UMPS: variants seen among roughly 807,000 people sequenced by gnomAD.
UMPS encodes the protein uridine monophosphate synthetase.
A neutral mutation model predicts 38.9 loss-of-function variants in UMPS; 21 were observed. That is an observed-to-expected ratio of 0.54 (90% CI 0.38 to 0.78). The LOEUF (loss-of-function observed/expected upper bound fraction) is 0.78, where lower values mean the gene tolerates loss of function less well. UMPS is among the 30% of genes least tolerant of loss of function. The pLI is 0.00. For missense variants in UMPS, 533 were observed against 591.6 expected (o/e 0.90, Z 1.03); for synonymous variants, 208 against 219.3 (o/e 0.95, Z 0.45).
intron 5 of UMPS, 82 bp downstream of exon 5, chr3:124,742,348 T>C: frequency 1.0e-6 from 1 of 998,420 alleles, no homozygotes; most frequent in Non-Finnish European, 1.6e-6. Context: ...CATATTATTA[T>C]ACACTTGCTT....
At position 124,744,422 on chromosome 3, in the gene UMPS, T is replaced by A. The variant is rs762603609; in HGVS notation, c.*338T>A. 2.2e-5 allele frequency: 10 copies of A among 458,830 alleles called. No homozygotes were observed. The highest frequency in any genetic ancestry group is 6.8e-5 in the East Asian group (1 of 14,774). The allele number at this position is 458,830 out of a possible 1,614,324, so 28.4% of individuals were successfully genotyped here. On this transcript the variant is annotated 3_prime_UTR_variant, in exon 6 of 6. Transcript: ENST00000232607. ...CTGCTTTGTTATTCTATTTATTTTT[T>A]AATTTTTTTCGAGACAGGATCTCAC...
At position 124,737,997 on chromosome 3, in the gene UMPS, T is replaced by C; in HGVS notation, c.740T>C (p.Met247Thr). The change falls in exon 3 of 6, where the codon ATG becomes ACG. Residue 247 changes from methionine (M) to threonine (T), a missense_variant. Coordinates refer to ENST00000232607, the MANE Select transcript of UMPS (RefSeq NM_000373.4). Reference sequence around the variant, plus strand: ...GTTGCATCGAAGCTTCTCAGGCTTATGCAAAAGAAGGAGACCAATCTGTGT... The same window carrying C: ...GTTGCATCGAAGCTTCTCAGGCTTACGCAAAAGAAGGAGACCAATCTGTGT... The part of the protein sequence containing the change: ...HPVASKLLRL[M>T]QKKETNLCLS... 6.2e-7 allele frequency: 1 copy of C among 1,614,210 alleles called. No individual in the cohort carries two copies. Among genetic ancestry groups the C allele is most frequent in the South Asian group, 1.1e-5 (1 of 91,086 alleles).
Position 124,746,755 on chromosome 3 carries a change from T to TTGTG in UMPS, c.*2710_*2713dup, listed in dbSNP as rs58981387. ...ATTCTGTAGAACATAAGCCCATAGA[T>TTGTG]TGTGTGTGTGTGTGTGTGTGTGTGT... On this transcript the variant is annotated 3_prime_UTR_variant, in exon 6 of 6. Coordinates refer to ENST00000232607, the MANE Select transcript of UMPS (RefSeq NM_000373.4). The TTGTG allele has an allele frequency of 0.046, 19,105 of 417,514 alleles. 329 individuals carry two copies. Among genetic ancestry groups the TTGTG allele is most frequent in the African/African-American group, 0.098 (4,594 of 47,112 alleles). The allele number at this position is 417,514 out of a possible 1,614,324, so 25.9% of individuals were successfully genotyped here.
chr3:124,745,830 C>G lies in UMPS; in HGVS notation c.*1746C>G, dbSNP rs1007704063. ...CCTTTGGAGTGATGTGCTGAGGTCT[C>G]AGGCGCCCACCTCCCTGGCTGTCAC... On this transcript the variant is annotated 3_prime_UTR_variant, in exon 6 of 6. Coordinates refer to ENST00000232607, the MANE Select transcript of UMPS (RefSeq NM_000373.4). 4.4e-6 allele frequency: 2 copies of G among 453,982 alleles called. No homozygotes were observed. The highest frequency in any genetic ancestry group is 4.0e-5 in the African/African-American group (2 of 49,992). 28.1% of individuals were successfully genotyped at this position (453,982 alleles called of 1,614,324 possible).
In UMPS at chr3:124,738,085, T is replaced by G; in HGVS notation, c.828T>G (p.Ser276Arg). Residue 276 changes from serine (S) to arginine (R), a missense_variant, in exon 3 of 6, where the codon AGT becomes AGG. Ser to Arg is a moderately radical substitution (Grantham distance 110). Transcript: ENST00000232607. ...AGCTAGCAGATGCTTTAGGACCTAGTATCTGCATGCTGAAGACTCATGTAG... is the reference window on the plus strand; with the variant it reads ...AGCTAGCAGATGCTTTAGGACCTAGGATCTGCATGCTGAAGACTCATGTAG... ...LLQLADALGP[S>R]ICMLKTHVDI... 6.2e-7 allele frequency: 1 copy of G among 1,614,234 alleles called. No individual in the cohort carries two copies. Among genetic ancestry groups the G allele is most frequent in the Non-Finnish European group, 8.5e-7 (1 of 1,180,034 alleles).
At chr3:124,737,452 A>G (rs1419128465) in intron 2 of UMPS, 116 bp from the exon 3 acceptor site, 1 of 915,842 alleles carries the variant, frequency 1.1e-6, no homozygotes, top group Non-Finnish European at 1.7e-6. Context: ...CAGAATTGGT[A>G]TACACATATA....
At chr3:124,741,675 G>A (rs1275843169) in intron 4 of UMPS, among the ~76,000 whole-genome samples, 1 of 152,090 alleles carries the variant, frequency 6.6e-6, no homozygotes, top group Admixed American at 6.5e-5. Flanking sequence ...GGAAGTAGGT[G>A]GGTCACCAAG....
At chr3:124,741,981 C>G (rs1162082428) in intron 4 of UMPS, among the ~76,000 whole-genome samples, 171 bp from the exon 5 acceptor site, 1 of 150,956 alleles carries the variant, frequency 6.6e-6, no homozygotes, top group East Asian at 1.9e-4. Flanking sequence ...TTTGGGAGGC[C>G]AAGGTAGGAG....
Position 124,738,080 on chromosome 3 carries a change from C to T in UMPS, c.823C>T (p.Pro275Ser), listed in dbSNP as rs2063530120. 6.2e-7 allele frequency: 1 copy of T among 1,614,044 alleles called. No individual in the cohort carries two copies. Among genetic ancestry groups the T allele is most frequent in the Non-Finnish European group, 8.5e-7 (1 of 1,180,052 alleles). ...GTTGCAGCTAGCAGATGCTTTAGGA[C>T]CTAGTATCTGCATGCTGAAGACTCA... ...ELLQLADALG[P>S]SICMLKTHVD... is the part of the protein sequence containing the mutation. The change falls in exon 3 of 6, where the codon CCT (proline) becomes TCT (serine). Residue 275 changes from proline (P) to serine (S), a missense_variant. Transcript: ENST00000232607.
chr3:124,734,741 C>T (rs2063505691), intron 1 of UMPS, among the ~76,000 whole-genome samples: 1 of 152,122 alleles, frequency 6.6e-6, no homozygotes, highest in Non-Finnish European at 1.5e-5. Flanking sequence ...TTACAATAGG[C>T]TGGGCGCAGT....
rs992044901 is a variant in UMPS, at chr3:124,747,349, G to A, written c.*3265G>A. 4.8e-5 allele frequency: 22 copies of A among 454,928 alleles called. No homozygotes were observed. The highest frequency in any genetic ancestry group is 3.8e-4 in the African/African-American group (19 of 49,998). 28.2% of individuals were successfully genotyped at this position (454,928 alleles called of 1,614,324 possible). A position where few individuals can be genotyped will look rare whatever the true frequency, so the allele number is the denominator to read the frequency against. On this transcript the variant is annotated 3_prime_UTR_variant, in exon 6 of 6. Transcript: ENST00000232607. ...AGCCACAGGAGAGCCAACAGCAGAG[G>A]GTGCTGGCCGCTGAGCTAGCTGCTA...
chr3:124,743,259 G>A (rs1483067329), intron 5 of UMPS, among the ~76,000 whole-genome samples: 5 of 151,998 alleles, frequency 3.3e-5, no homozygotes, highest in Admixed American at 6.6e-5. Context: ...GCTTGAATCC[G>A]GGAGGCGGGG....
At chr3:124,730,715 G>A (rs1239755702) in intron 1 of UMPS, 88 bp downstream of exon 1, 3 of 1,507,818 alleles carry the variant, frequency 2.0e-6, no homozygotes, top group Non-Finnish European at 2.7e-6. Context: ...TGGGCCGTGA[G>A]TGAGAGCAAA....
In UMPS at chr3:124,746,314, C is replaced by T. The variant is rs565272396; in HGVS notation, c.*2230C>T. Reference sequence around the variant, plus strand: ...GTGCCCCACACCATCAGAGTTTCTGCGTTAGCAGATTTGTGGTTTGCCCAG... The same window carrying T: ...GTGCCCCACACCATCAGAGTTTCTGTGTTAGCAGATTTGTGGTTTGCCCAG... On this transcript the variant is annotated 3_prime_UTR_variant, in exon 6 of 6. Coordinates refer to ENST00000232607, the MANE Select transcript of UMPS (RefSeq NM_000373.4). The T allele has an allele frequency of 6.3e-4, 284 of 454,130 alleles. 4 individuals carry two copies. Among genetic ancestry groups the T allele is most frequent in the South Asian group, 3.4e-3 (220 of 64,482 alleles). The allele number at this position is 454,130 out of a possible 1,614,324, so 28.1% of individuals were successfully genotyped here. A position where few individuals can be genotyped will look rare whatever the true frequency, so the allele number is the denominator to read the frequency against.
At position 124,746,745 on chromosome 3, in the gene UMPS, A is replaced by G. The variant is rs1377441060; in HGVS notation, c.*2661A>G. ...TACTCGAGGCATTCTGTAGAACATA[A>G]GCCCATAGATTGTGTGTGTGTGTGT... is the stretch of plus-strand genomic sequence containing the variant. On this transcript the variant is annotated 3_prime_UTR_variant, in exon 6 of 6. Coordinates refer to ENST00000232607, the MANE Select transcript of UMPS (RefSeq NM_000373.4). 4.8e-6 allele frequency: 2 copies of G among 413,768 alleles called. No homozygotes were observed. Among genetic ancestry groups the G allele is most frequent in the Non-Finnish European group, 9.6e-6 (2 of 207,398 alleles). The allele number at this position is 413,768 out of a possible 1,614,324, so 25.6% of individuals were successfully genotyped here.
In UMPS at chr3:124,744,836, C is replaced by T. The variant is rs1167666464; in HGVS notation, c.*752C>T. On this transcript the variant is annotated 3_prime_UTR_variant, in exon 6 of 6. Transcript: ENST00000232607. ...CTAATTGTTAGCCATTCCCCTCCAT[C>T]TCTGGCCTAAAAGTGATAGTCCAGG... 1 of 454,030 alleles carries T rather than the reference C, an allele frequency of 2.2e-6. No individual in the cohort carries two copies. Among genetic ancestry groups the T allele is most frequent in the Admixed American group, 2.3e-5 (1 of 42,556 alleles). The allele number at this position is 454,030 out of a possible 1,614,324, so 28.1% of individuals were successfully genotyped here. A position where few individuals can be genotyped will look rare whatever the true frequency, so the allele number is the denominator to read the frequency against.
At position 124,745,407 on chromosome 3, in the gene UMPS, A is replaced by G. The variant is rs1657736692; in HGVS notation, c.*1323A>G. 2.2e-6 allele frequency: 1 copy of G among 452,104 alleles called. No homozygotes were observed. Among genetic ancestry groups the G allele is most frequent in the Admixed American group, 2.4e-5 (1 of 42,342 alleles). 28.0% of individuals were successfully genotyped at this position (452,104 alleles called of 1,614,324 possible). On this transcript the variant is annotated 3_prime_UTR_variant, in exon 6 of 6. Transcript: ENST00000232607. ...TTGAGACAGAATCTCACTGTCGCCC[A>G]GGCTGGAGTTCAGTGGCACGATCTC...
intron 1 of UMPS, among the ~76,000 whole-genome samples, chr3:124,731,878 C>T (rs1431013231): frequency 4.2e-5 from 4 of 94,238 alleles, no homozygotes; most frequent in Admixed American, 1.4e-4. Context: ...GAGACTGTCT[C>T]AGAAAAAAAA....
At position 124,746,405 on chromosome 3, in the gene UMPS, G is replaced by T. The variant is rs2063598109; in HGVS notation, c.*2321G>T. ...TCTGTTTCTGATTTGTATTTCTATT[G>T]TGAAGAGTCAGCCCAGTACTGCAGG... On this transcript the variant is annotated 3_prime_UTR_variant, in exon 6 of 6. Transcript: ENST00000232607. The T allele has an allele frequency of 2.2e-6, 1 of 454,126 alleles. No individual in the cohort carries two copies. The highest frequency in any genetic ancestry group is 4.4e-6 in the Non-Finnish European group (1 of 226,790). 28.1% of individuals were successfully genotyped at this position (454,126 alleles called of 1,614,324 possible). A position where few individuals can be genotyped will look rare whatever the true frequency, so the allele number is the denominator to read the frequency against.
Sources: allele counts gnomAD v4.1 joint callset (sites outside exome capture counted in the v4.1 genomes callset), GRCh38; gene constraint gnomAD v4.1.1; transcripts MANE v1.5; gene names NCBI Gene and HGNC (gene_info 2026-07-23, HGNC 2026-07-21).